The following MMP16 variants were observed in gnomAD, a reference collection of about 807,000 sequenced individuals.
MMP16 encodes the protein matrix metalloproteinase-16.
A neutral mutation model predicts 67.8 loss-of-function variants in MMP16; 12 were observed. The observed-to-expected ratio is 0.18, with a 90% CI of 0.11 to 0.29. MMP16 has a LOEUF of 0.29. Ranked by LOEUF, MMP16 falls within the 10% of genes least tolerant of loss-of-function variation. MMP16 has a pLI of 1.00. For missense variants in MMP16, 475 were observed against 765.7 expected (o/e 0.62, Z 4.48); for synonymous variants, 249 against 255.9 (o/e 0.97, Z 0.26).
chr8:88,214,956 C>T (rs1026414235), intron 1 of MMP16, among the ~76,000 whole-genome samples: 13 of 152,124 alleles, frequency 8.5e-5, no homozygotes, highest in Non-Finnish European at 8.8e-5. Context: ...TCATTCTAAA[C>T]CTTAAATCTG....
intron 1 of MMP16, among the ~76,000 whole-genome samples, chr8:88,280,561 G>A (rs1237696281): frequency 6.6e-6 from 1 of 152,186 alleles, no homozygotes; most frequent in African/African-American, 2.4e-5. Flanking sequence ...ACAGATGACA[G>A]GTAAATAGAA....
intron 7 of MMP16, among the ~76,000 whole-genome samples, chr8:88,064,915 G>T (rs901708906): frequency 2.0e-5 from 3 of 152,214 alleles, no homozygotes; most frequent in South Asian, 4.1e-4. Context: ...GAGGTGTGCA[G>T]CTCAGGACTT....
Position 88,058,472 on chromosome 8 carries a change from A to G in MMP16, c.1223-2194T>C, listed in dbSNP as rs1808358468. On this transcript the variant is annotated intron_variant, in intron 7 of 9. Transcript: ENST00000286614. This position sits in a 1 kb window ranked among gnomAD's most constrained non-coding sequence, Gnocchi z 4.2. ...AACATCTCTATCTCATGAAGCTTAGATATCAGTGAGTGAGTATGAATCAAA... is the reference window on the plus strand; with the variant it reads ...AACATCTCTATCTCATGAAGCTTAGGTATCAGTGAGTGAGTATGAATCAAA... Among the ~76,000 whole-genome samples, 1 of 152,132 alleles carries G rather than the reference A, an allele frequency of 6.6e-6. No homozygotes were observed.
Position 88,321,973 on chromosome 8 carries a change from A to C in MMP16, c.132+5102T>G, listed in dbSNP as rs141381794. ...GTTATATGGACACGATATGTTTTTC[A>C]CTATTTTTTACTATTGTAGAAAACA... On this transcript the variant is annotated intron_variant, in intron 1 of 9. Transcript: ENST00000286614. Among the ~76,000 whole-genome samples the C allele has an allele frequency of 3.1e-3, 472 of 152,264 alleles. 6 individuals carry two copies. The highest frequency in any genetic ancestry group is 0.011 in the African/African-American group (445 of 41,560).
rs1809210643 is a variant in MMP16, at chr8:88,104,889, C to T, written c.1083+11618G>A. Among the ~76,000 whole-genome samples the T allele has an allele frequency of 2.0e-5, 3 of 150,760 alleles. 1 individual carries two copies. In the South Asian group the frequency reaches 6.3e-4, roughly 31 times the overall value. On this transcript the variant is annotated intron_variant, in intron 6 of 9. Coordinates refer to ENST00000286614, the MANE Select transcript of MMP16 (RefSeq NM_005941.5). ...AAAGAAAAAAAAAATCCAAAAAACA[C>T]AAAACATTTTCAATAAAAAAGCTTA...
At chr8:88,068,262 T>C (rs1210124082) in intron 7 of MMP16, among the ~76,000 whole-genome samples, 1 of 152,124 alleles carries the variant, frequency 6.6e-6, no homozygotes, top group Non-Finnish European at 1.5e-5. Context: ...GAGTTGTTTG[T>C]TTTCTTTTTA....
intron 1 of MMP16, among the ~76,000 whole-genome samples, chr8:88,218,009 T>A (rs1409814317): frequency 2.0e-5 from 3 of 152,016 alleles, no homozygotes; most frequent in African/African-American, 7.2e-5. Context: ...CTATACCATT[T>A]ACTTTTATTG....
intron 6 of MMP16, among the ~76,000 whole-genome samples, chr8:88,077,768 G>T: frequency 6.6e-6 from 1 of 152,076 alleles, no homozygotes; most frequent in East Asian, 1.9e-4. Flanking sequence ...TAGTTAAGAT[G>T]TTTTCTTACT....
At chr8:88,212,063 C>T (rs1168084362) in intron 1 of MMP16, among the ~76,000 whole-genome samples, 1 of 152,148 alleles carries the variant, frequency 6.6e-6, no homozygotes, top group Non-Finnish European at 1.5e-5. Flanking sequence ...ACCAAAGGGC[C>T]TTGACCAATC....
chr8:88,290,531 C>T (rs983606766), intron 1 of MMP16, among the ~76,000 whole-genome samples: 7 of 151,358 alleles, frequency 4.6e-5, no homozygotes, highest in Admixed American at 1.3e-4. Flanking sequence ...CCAGCCTGGG[C>T]GACAGAGTGA....
chr8:88,098,236 C>G (rs1013197616), intron 6 of MMP16, among the ~76,000 whole-genome samples: 1 of 152,018 alleles, frequency 6.6e-6, no homozygotes, highest in African/African-American at 2.4e-5. Flanking sequence ...TATTACTACA[C>G]TAGTATCAAT....
Position 88,041,769 on chromosome 8 carries a change from C to T in MMP16, c.1516G>A (p.Glu506Lys), listed in dbSNP as rs1808135658. 1 of 1,611,454 alleles carries T rather than the reference C, an allele frequency of 6.2e-7. No individual in the cohort carries two copies. Among genetic ancestry groups the T allele is most frequent in the South Asian group, 1.1e-5 (1 of 90,922 alleles). The change falls in exon 10 of 10, where the codon GAG (glutamate) becomes AAG (lysine). Residue 506 changes from glutamate to lysine, a missense_variant. Glu to Lys is a moderately conservative substitution (Grantham distance 56). Around this residue, in one of 5 missense-constraint regions of MMP16, gnomAD observed 23 missense variants for 79.1 expected, o/e 0.29. Transcript: ENST00000286614. This position sits in a 1 kb window ranked among gnomAD's most constrained non-coding sequence, Gnocchi z 6.0. ...ATCTGGTTGTTGAATTTCCAATACTCCTTTCCTTTGTAGAAATACGTAAAG... is the reference window on the plus strand; with the variant it reads ...ATCTGGTTGTTGAATTTCCAATACTTCTTTCCTTTGTAGAAATACGTAAAG... Reference protein sequence around the residue: ...NGFTYFYKGKEYWKFNNQILK... With the variant: ...NGFTYFYKGKKYWKFNNQILK...
intron 2 of MMP16, among the ~76,000 whole-genome samples, chr8:88,195,233 G>T (rs1809231500): frequency 6.6e-6 from 1 of 152,036 alleles, no homozygotes; most frequent in Non-Finnish European, 1.5e-5. Flanking sequence ...TCCTTCCAAT[G>T]ACCAACAGGA....
intron 4 of MMP16, among the ~76,000 whole-genome samples, chr8:88,154,293 G>C (rs927873036): frequency 7.1e-5 from 10 of 141,310 alleles, no homozygotes; most frequent in Non-Finnish European, 1.2e-4. Context: ...TTCAACCATT[G>C]TGGAAGTCAG....
intron 1 of MMP16, among the ~76,000 whole-genome samples, chr8:88,242,925 A>T (rs1810055247): frequency 6.6e-6 from 1 of 152,028 alleles, no homozygotes; most frequent in Non-Finnish European, 1.5e-5. Context: ...CCAAGACACT[A>T]TTTTTCTTTT....
At chr8:88,277,275 G>A (rs1325889569) in intron 1 of MMP16, among the ~76,000 whole-genome samples, 2 of 152,066 alleles carry the variant, frequency 1.3e-5, no homozygotes, top group Non-Finnish European at 2.9e-5. Context: ...GATGCATCTC[G>A]CTTATATATT....
intron 1 of MMP16, among the ~76,000 whole-genome samples, chr8:88,253,196 C>G (rs922306678): frequency 6.6e-6 from 1 of 151,664 alleles, no homozygotes; most frequent in East Asian, 1.9e-4. Flanking sequence ...TTAGACAACA[C>G]TTAATATTAT....
intron 6 of MMP16, among the ~76,000 whole-genome samples, chr8:88,091,560 A>G (rs75965905): frequency 6.7e-6 from 1 of 149,600 alleles, no homozygotes; most frequent in African/African-American, 2.5e-5. Flanking sequence ...TACACACACA[A>G]ACACACACAC....
At chr8:88,155,200 T>G (rs574146185) in intron 4 of MMP16, among the ~76,000 whole-genome samples, 31 of 152,086 alleles carry the variant, frequency 2.0e-4, no homozygotes, top group African/African-American at 7.0e-4. Context: ...GGACACATGA[T>G]TTCTAAAACA....
Sources: allele counts gnomAD v4.1 joint callset (sites outside exome capture counted in the v4.1 genomes callset), GRCh38; gene constraint gnomAD v4.1.1; regional missense constraint gnomAD v4.1.1; non-coding constraint Gnocchi (gnomAD v3.1); transcripts MANE v1.5; gene names NCBI Gene and HGNC (gene_info 2026-07-23, HGNC 2026-07-21).